Variants in DOCK3 observed in about 807,000 individuals in gnomAD.
DOCK3 encodes the protein dedicator of cytokinesis protein 3.
A neutral mutation model predicts 265.6 loss-of-function variants in DOCK3; 60 were observed. The ratio of observed to expected loss-of-function variants is 0.23; its 90% confidence interval spans 0.18 to 0.28. The LOEUF is 0.28. Among genes scored for constraint, DOCK3 ranks in the 10% least tolerant of loss-of-function variants. The probability of loss-of-function intolerance (pLI) is 1.00; values close to 1 mark genes in which losing one functional copy is unlikely to be tolerated. For synonymous variants in DOCK3, 881 were observed against 938.0 expected (o/e 0.94, Z 1.11); for missense variants, 1,981 against 2,594.3 (o/e 0.76, Z 5.14).
intron 23 of DOCK3, among the ~76,000 whole-genome samples, chr3:51,261,327 C>T (rs1014253664): frequency 6.6e-6 from 1 of 152,088 alleles, no homozygotes; most frequent in South Asian, 2.1e-4. Flanking sequence ...GGAACTCCCT[C>T]CCCTACCCAA....
intron 1 of DOCK3, among the ~76,000 whole-genome samples, chr3:50,775,563 G>A (rs2041539100): frequency 1.3e-5 from 2 of 151,992 alleles, no homozygotes; most frequent in South Asian, 2.1e-4. Context: ...ATTTACGGTA[G>A]TGGAAGTTCT....
At chr3:51,275,713 G>GTAGAAT (rs1350514382) in intron 25 of DOCK3, among the ~76,000 whole-genome samples, 1 of 152,076 alleles carries the variant, frequency 6.6e-6, no homozygotes, top group East Asian at 1.9e-4. Flanking sequence ...TCAGAGGATG[G>GTAGAAT]TAGAATTGTG....
intron 27 of DOCK3, among the ~76,000 whole-genome samples, chr3:51,307,917 C>G (rs1331309929): frequency 7.7e-6 from 1 of 129,342 alleles, no homozygotes; most frequent in Non-Finnish European, 1.6e-5. Flanking sequence ...CAACAAATGC[C>G]TTGGGTATAG....
At chr3:51,072,377 T>A (rs999503406) in intron 6 of DOCK3, among the ~76,000 whole-genome samples, 1 of 152,132 alleles carries the variant, frequency 6.6e-6, no homozygotes, top group Non-Finnish European at 1.5e-5. Context: ...GACTTAAATG[T>A]CATCTGGATA....
intron 1 of DOCK3, among the ~76,000 whole-genome samples, chr3:50,720,963 CT>C (rs886198332): frequency 2.7e-5 from 4 of 150,050 alleles, no homozygotes; most frequent in African/African-American, 7.3e-5. Context: ...TGATATTGAG[CT>C]TTTTTTTTCA....
chr3:51,037,659 C>T (rs1369586250), intron 5 of DOCK3, among the ~76,000 whole-genome samples: 4 of 152,106 alleles, frequency 2.6e-5, no homozygotes, highest in African/African-American at 7.2e-5. Flanking sequence ...AGGGTCATAT[C>T]TATGGAGCAT....
chr3:50,734,602 G>GTTTTTTT lies in DOCK3; in HGVS notation c.38-44061_38-44055dup, dbSNP rs771129941. 1.9e-3 allele frequency among the ~76,000 whole-genome samples: 204 copies of GTTTTTTT among 107,370 alleles called. 20 individuals are homozygous for GTTTTTTT. The highest frequency in any genetic ancestry group is 4.0e-3 in the African/African-American group (107 of 27,074). The allele number at this position is 107,370 out of a possible 152,430, so 70.4% of individuals were successfully genotyped here. Reference sequence around the variant, plus strand: ...TATTATATTCTTGCTTTTACAGTGAGTTTTTTTTTTTTTTTTTTGAGATGG... The same window carrying GTTTTTTT: ...TATTATATTCTTGCTTTTACAGTGAGTTTTTTTTTTTTTTTTTTTTTTTTTGAGATGG... On this transcript the variant is annotated intron_variant, in intron 1 of 52. Transcript: ENST00000266037.
At chr3:50,788,393 A>G (rs1342353506) in intron 2 of DOCK3, 3 of 213,534 alleles carry the variant, frequency 1.4e-5, no homozygotes, top group Admixed American at 1.2e-4. Context: ...AATCACTCAA[A>G]TGAAAAAAAG....
intron 38 of DOCK3, among the ~76,000 whole-genome samples, chr3:51,346,113 A>G (rs1316114068): frequency 1.3e-5 from 2 of 152,138 alleles, no homozygotes; most frequent in South Asian, 2.1e-4. Context: ...CAAGTAAACT[A>G]ATGACCCTCA....
intron 1 of DOCK3, among the ~76,000 whole-genome samples, chr3:50,778,111 T>C (rs1484583515): frequency 3.9e-5 from 6 of 152,154 alleles, no homozygotes; most frequent in Non-Finnish European, 8.8e-5. Flanking sequence ...TGTATTCTTA[T>C]ATGAATTTTG....
intron 10 of DOCK3, among the ~76,000 whole-genome samples, chr3:51,155,863 G>A (rs1223625466): frequency 6.6e-6 from 1 of 152,112 alleles, no homozygotes; most frequent in Non-Finnish European, 1.5e-5. Flanking sequence ...AGATATTCAG[G>A]ACCTCATACA....
At chr3:51,354,022 GACATA>G (rs762007336) in intron 40 of DOCK3, among the ~76,000 whole-genome samples, 37 of 152,170 alleles carry the variant, frequency 2.4e-4, no homozygotes, top group Non-Finnish European at 4.3e-4. Flanking sequence ...AAGTAAATGT[GACATA>G]ACATAAAGTT....
intron 5 of DOCK3, among the ~76,000 whole-genome samples, chr3:51,044,170 A>G (rs2080658843): frequency 6.6e-6 from 1 of 152,202 alleles, no homozygotes; most frequent in Non-Finnish European, 1.5e-5. Context: ...AAGACATGGG[A>G]TCAACCTAAA....
At chr3:51,205,237 T>G (rs2089118498) in intron 12 of DOCK3, among the ~76,000 whole-genome samples, 3 of 151,566 alleles carry the variant, frequency 2.0e-5, no homozygotes, top group Non-Finnish European at 4.4e-5. Context: ...ATCACCACAG[T>G]ATGAGGTTTA....
At chr3:51,024,242 T>A (rs1368990874) in intron 5 of DOCK3, among the ~76,000 whole-genome samples, 4 of 152,242 alleles carry the variant, frequency 2.6e-5, no homozygotes, top group Non-Finnish European at 5.9e-5. Flanking sequence ...CACTGTCTCC[T>A]ATTGGGTTGG....
chr3:50,781,452 T>A (rs1236394919), intron 2 of DOCK3, among the ~76,000 whole-genome samples: 3 of 151,834 alleles, frequency 2.0e-5, no homozygotes, highest in Admixed American at 2.0e-4. Context: ...TATTTTTTGG[T>A]AGAGATGGGG....
At chr3:50,929,579 T>A (rs2050949461) in intron 4 of DOCK3, among the ~76,000 whole-genome samples, 1 of 152,218 alleles carries the variant, frequency 6.6e-6, no homozygotes, top group Non-Finnish European at 1.5e-5. Context: ...CAGTGCTGGC[T>A]TTTGACTTCA....
chr3:51,363,501 A>G (rs1478023885), intron 49 of DOCK3, among the ~76,000 whole-genome samples: 1 of 152,230 alleles, frequency 6.6e-6, no homozygotes, highest in African/African-American at 2.4e-5. Flanking sequence ...TATTTATTTT[A>G]TTATACTTTA....
chr3:51,266,258 G>A (rs1343594365), intron 23 of DOCK3, among the ~76,000 whole-genome samples: 2 of 152,134 alleles, frequency 1.3e-5, no homozygotes, highest in Non-Finnish European at 2.9e-5. Context: ...ACTGCCCAAA[G>A]TAATTTATAG....
Sources: allele counts gnomAD v4.1 joint callset (sites outside exome capture counted in the v4.1 genomes callset), GRCh38; gene constraint gnomAD v4.1.1; transcripts MANE v1.5; gene names NCBI Gene and HGNC (gene_info 2026-07-23, HGNC 2026-07-21).